NPHP3: variants seen among roughly 807,000 people sequenced by gnomAD.
NPHP3 encodes the protein nephrocystin-3.
A neutral mutation model predicts 171.9 loss-of-function variants in NPHP3; 123 were observed. The ratio of observed to expected loss-of-function variants is 0.72; its 90% CI spans 0.62 to 0.83. The LOEUF (loss-of-function observed/expected upper bound fraction) is 0.83, where lower values mean the gene tolerates loss of function less well. Ranked by LOEUF, NPHP3 falls within the 40% of genes least tolerant of loss-of-function variation. The pLI, the probability that NPHP3 is intolerant of heterozygous loss-of-function variation, is 0.00. For missense variants in NPHP3, 1,506 were observed against 1,591.9 expected (o/e 0.95, Z 0.92); for synonymous variants, 558 against 579.2 (o/e 0.96, Z 0.52).
chr3:132,719,797 C>A lies in NPHP3; in HGVS notation c.427G>T (p.Glu143Ter), dbSNP rs1319791076. ...TTCGCTTCTAAAGCACTTTCTTTTT[C>A]TCGAAGTATCTTCTGATACGTTTTT... ...LQKTYQKILR[E>*]KESALEAKYQ... Residue 143 changes from glutamate (E) to a stop codon, truncating the protein, a stop_gained, in exon 2 of 27, where the codon GAA becomes TAA. Coordinates refer to ENST00000337331, the MANE Select transcript of NPHP3 (RefSeq NM_153240.5). LOFTEE classifies it high-confidence loss of function. 1 of 1,599,054 alleles carries A rather than the reference C, an allele frequency of 6.3e-7. No homozygotes were observed. The highest frequency in any genetic ancestry group is 8.5e-7 in the Non-Finnish European group (1 of 1,170,834).
In NPHP3 at chr3:132,718,610, T is replaced by A. The variant is rs74686011; in HGVS notation, c.670+384A>T. Reference sequence around the variant, plus strand: ...ACTATCCAGTCTTCCCAGTTATAGTTCTGACTAATGGGATTTGAGAAGTGA... The same window carrying A: ...ACTATCCAGTCTTCCCAGTTATAGTACTGACTAATGGGATTTGAGAAGTGA... On this transcript the variant is annotated intron_variant, in intron 3 of 26. Transcript: ENST00000337331. 6.4e-3 allele frequency among the ~76,000 whole-genome samples: 974 copies of A among 152,356 alleles called. 12 individuals carry two copies. Among genetic ancestry groups the A allele is most frequent in the African/African-American group, 0.022 (929 of 41,580 alleles).
intron 15 of NPHP3, 57 bp from the exon 16 acceptor site, chr3:132,695,022 T>G (rs916828030): frequency 3.2e-6 from 5 of 1,571,924 alleles, no homozygotes; most frequent in Non-Finnish European, 4.4e-6. Context: ...CTGTGAAAAT[T>G]TTGAGATCGA....
chr3:132,701,421 G>A lies in NPHP3; in HGVS notation c.1628+9C>T, dbSNP rs1199591337. On this transcript the variant is annotated intron_variant, in intron 10 of 26. Coordinates refer to ENST00000337331, the MANE Select transcript of NPHP3 (RefSeq NM_153240.5). ...ATGACAACAATAATTTAATTGCACT[G>A]CATCATACCACTTTGATAAAAGAAG... 1.3e-6 allele frequency: 2 copies of A among 1,540,808 alleles called. No individual in the cohort carries two copies. The highest frequency in any genetic ancestry group is 4.5e-5 in the East Asian group (2 of 44,460).
chr3:132,690,665 G>A lies in NPHP3; in HGVS notation c.2571-15C>T. 3.1e-6 allele frequency: 5 copies of A among 1,613,444 alleles called. No homozygotes were observed. The African/African-American group carries it at 4.0e-5, about 13-fold the overall frequency. On this transcript the variant is annotated splice_polypyrimidine_tract_variant and intron_variant, in intron 18 of 26. Transcript: ENST00000337331. ...CTCTGTCCTGACTATCAAAAGAGAGGAGACAATATTCAATATCTTCCTACA... is the reference window on the plus strand; with the variant it reads ...CTCTGTCCTGACTATCAAAAGAGAGAAGACAATATTCAATATCTTCCTACA...
intron 3 of NPHP3, among the ~76,000 whole-genome samples, chr3:132,717,777 TGAG>T (rs915865564): frequency 7.5e-5 from 11 of 147,332 alleles, no homozygotes; most frequent in Admixed American, 5.4e-4. Context: ...TTTTTTTTTT[TGAG>T]ATGAGTCTGG....
intron 22 of NPHP3, among the ~76,000 whole-genome samples, chr3:132,686,861 A>G (rs1000413166): frequency 1.3e-5 from 2 of 152,172 alleles, no homozygotes; most frequent in African/African-American, 4.8e-5. Context: ...AATGTTAACT[A>G]AATTTATTTT....
chr3:132,721,187 GGATTACAGGCGTGA>G (rs1940204990), intron 1 of NPHP3, among the ~76,000 whole-genome samples: 1 of 152,120 alleles, frequency 6.6e-6, no homozygotes, highest in Non-Finnish European at 1.5e-5. Context: ...AAAAGTGTTG[GGATTACAGGCGTGA>G]GCCACCACGC....
In NPHP3 at chr3:132,699,461, TA is replaced by T; in HGVS notation, c.1888-12del. The T allele has an allele frequency of 8.3e-6, 13 of 1,573,734 alleles. No individual in the cohort carries two copies. Among genetic ancestry groups the T allele is most frequent in the Non-Finnish European group, 1.0e-5 (12 of 1,149,766 alleles). The stretch of plus-strand genomic sequence containing the variant: ...GTGTTTTTCAACTTGCTTAAAAATA[TA>T]AAAACAAAATTCAATCTATTAATCA... On this transcript the variant is annotated splice_polypyrimidine_tract_variant and intron_variant, in intron 12 of 26. Transcript: ENST00000337331.
At chr3:132,693,092 T>C (rs1334989316) in intron 16 of NPHP3, 10 of 355,358 alleles carry the variant, frequency 2.8e-5, no homozygotes. Context: ...AAATGTATTA[T>C]TATAATTAAT....
chr3:132,687,673 G>A (rs1484708773), intron 21 of NPHP3, among the ~76,000 whole-genome samples: 2 of 152,160 alleles, frequency 1.3e-5, no homozygotes, highest in Non-Finnish European at 2.9e-5. Flanking sequence ...GTTTAAATGT[G>A]AAATTCACAC....
At chr3:132,689,501 T>C (rs1057458472) in intron 19 of NPHP3, among the ~76,000 whole-genome samples, 1 of 152,168 alleles carries the variant, frequency 6.6e-6, no homozygotes, top group African/African-American at 2.4e-5. Context: ...ATGGAGACAC[T>C]ACCTGCCTCA....
chr3:132,686,153 G>T, intron 23 of NPHP3, 107 bp downstream of exon 23: 1 of 1,261,866 alleles, frequency 7.9e-7, no homozygotes, highest in Non-Finnish European at 1.2e-6. Flanking sequence ...ATTTTGCGTG[G>T]TTTTTATCAT....
intron 6 of NPHP3, 110 bp from the exon 7 acceptor site, chr3:132,708,367 G>C: frequency 9.6e-7 from 1 of 1,047,104 alleles, no homozygotes; most frequent in East Asian, 2.4e-5. Context: ...CAAGTGGCCA[G>C]AAAAGGTCCA....
At chr3:132,718,927 A>C (rs1553775319) in intron 3 of NPHP3, 67 bp downstream of exon 3, 8 of 1,503,926 alleles carry the variant, frequency 5.3e-6, no homozygotes, top group Non-Finnish European at 7.4e-6. Flanking sequence ...AGCAGAATTC[A>C]AAGTTGGCTC....
intron 3 of NPHP3, among the ~76,000 whole-genome samples, chr3:132,717,672 T>C (rs1220743752): frequency 6.6e-6 from 1 of 152,062 alleles, no homozygotes; most frequent in African/African-American, 2.4e-5. Flanking sequence ...CATTTGAGTA[T>C]GTCAATACTG....
At chr3:132,682,935 G>A (rs1422113666) in intron 25 of NPHP3, 117 bp from the exon 26 acceptor site, 4 of 701,572 alleles carry the variant, frequency 5.7e-6, no homozygotes, top group Non-Finnish European at 7.8e-6. Context: ...CCTAAAAGAT[G>A]GGAATAAACA....
intron 26 of NPHP3, 199 bp from the exon 27 acceptor site, chr3:132,682,289 A>G: frequency 1.6e-6 from 1 of 606,210 alleles, no homozygotes; most frequent in Non-Finnish European, 2.9e-6. Context: ...TTTGTGTCTC[A>G]TATGGATATC....
intron 26 of NPHP3, 119 bp from the exon 27 acceptor site, chr3:132,682,209 C>T: frequency 1.1e-6 from 1 of 871,312 alleles, no homozygotes; most frequent in Non-Finnish European, 1.9e-6. Flanking sequence ...CCTCTTTTTC[C>T]AGTGTATTCA....
In NPHP3 at chr3:132,722,123, C is replaced by A. The variant is rs202142404; in HGVS notation, c.233G>T (p.Gly78Val). Residue 78 changes from glycine to valine, a missense_variant, in exon 1 of 27, where the codon GGC becomes GTC. Transcript: ENST00000337331. ...GLLGASFKST[G>V]SSVPELEYAA... ...GTACTCCAGCTCTGGCACCGACGAGCCAGTGGACTTGAAGCTGGCCCCCAG... is the reference window on the plus strand; with the variant it reads ...GTACTCCAGCTCTGGCACCGACGAGACAGTGGACTTGAAGCTGGCCCCCAG... 115 of 1,606,008 alleles carry A rather than the reference C, an allele frequency of 7.2e-5. No individual in the cohort carries two copies. Among genetic ancestry groups the A allele is most frequent in the Non-Finnish European group, 9.5e-5 (112 of 1,179,310 alleles).
Sources: allele counts gnomAD v4.1 joint callset (sites outside exome capture counted in the v4.1 genomes callset), GRCh38; gene constraint gnomAD v4.1.1; transcripts MANE v1.5; gene names NCBI Gene and HGNC (gene_info 2026-07-23, HGNC 2026-07-21).